CNOT6: variants seen among roughly 807,000 people sequenced by gnomAD.
CNOT6 encodes the protein carbon catabolite repression 4 protein.
A neutral mutation model predicts 61.2 loss-of-function variants in CNOT6; 12 were observed. The observed-to-expected ratio is 0.20, with a 90% CI of 0.13 to 0.32. CNOT6 has a LOEUF of 0.32. Among genes scored for constraint, CNOT6 ranks in the 10% least tolerant of loss-of-function variants. The pLI, the probability that CNOT6 is intolerant of heterozygous loss-of-function variation, is 1.00. For synonymous variants in CNOT6, 225 were observed against 240.6 expected, an observed-to-expected ratio of 0.94 and a Z score of 0.60; for missense variants, 405 against 663.9, an observed-to-expected ratio of 0.61 and a Z score of 4.28.
rs774428177 is a variant in CNOT6, at chr5:180,564,747, G to C, written c.559+4G>C. 2.0e-5 allele frequency: 32 copies of C among 1,607,936 alleles called. No homozygotes were observed. Among genetic ancestry groups the C allele is most frequent in the African/African-American group, 2.7e-5 (2 of 74,724 alleles). On this transcript the variant is annotated splice_donor_region_variant and intron_variant, in intron 6 of 11. Coordinates refer to ENST00000261951, the MANE Select transcript of CNOT6 (RefSeq NM_001370472.1). ...CCAGATAGGACAAGGCCAACTGGTT[G>C]GTAGTCTTTTATTTTTTAACTGTTA...
intron 1 of CNOT6, among the ~76,000 whole-genome samples, chr5:180,518,429 A>T (rs1232208317): frequency 2.0e-5 from 3 of 152,118 alleles, no homozygotes; most frequent in African/African-American, 7.2e-5. Context: ...CTTCTGCAAC[A>T]CTTCAGTAGA....
chr5:180,563,488 C>T (rs977009663), intron 4 of CNOT6, among the ~76,000 whole-genome samples: 10 of 152,070 alleles, frequency 6.6e-5, no homozygotes, highest in African/African-American at 2.2e-4. Context: ...GTGATCCGCC[C>T]GCCTCGGCCT....
chr5:180,494,746 G>C lies in CNOT6; in HGVS notation c.-20G>C, dbSNP rs1012752172. 3.3e-5 allele frequency: 5 copies of C among 152,770 alleles called. No homozygotes were observed. Among genetic ancestry groups the C allele is most frequent in the African/African-American group, 1.2e-4 (5 of 41,328 alleles). 9.5% of individuals were successfully genotyped at this position (152,770 alleles called of 1,614,324 possible). A position where few individuals can be genotyped will look rare whatever the true frequency, so the allele number is the denominator to read the frequency against. On this transcript the variant is annotated 5_prime_UTR_variant, in exon 1 of 12. Coordinates refer to ENST00000261951, the MANE Select transcript of CNOT6 (RefSeq NM_001370472.1). Reference sequence around the variant, plus strand: ...GGAGGAGGCGGCAGCGGCGGAGGAAGGCGGCGCACCCCGAGAGGTGAGCGA... The same window carrying C: ...GGAGGAGGCGGCAGCGGCGGAGGAACGCGGCGCACCCCGAGAGGTGAGCGA...
chr5:180,495,154 T>C (rs913088600), intron 1 of CNOT6, among the ~76,000 whole-genome samples: 2 of 152,220 alleles, frequency 1.3e-5, no homozygotes, highest in Non-Finnish European at 2.9e-5. Flanking sequence ...TGGCGCGCTG[T>C]GTGGAGTGTG....
At chr5:180,555,151 T>C (rs6422334) in intron 4 of CNOT6, among the ~76,000 whole-genome samples, 135,545 of 152,012 alleles carry the variant, frequency 0.89, 60,550 homozygotes, top group East Asian at 1. Context: ...AGATTACAGG[T>C]ACCCACCACC....
At position 180,556,569 on chromosome 5, in the gene CNOT6, CTA is replaced by C. The variant is rs541981266; in HGVS notation, c.385+3100_385+3101del. On this transcript the variant is annotated intron_variant, in intron 4 of 11. Coordinates refer to ENST00000261951, the MANE Select transcript of CNOT6 (RefSeq NM_001370472.1). ...ATTTAGAAAAGGATGTAGAACATCT[CTA>C]TCACCAGAAGATCCTTTTGTTACAC... Among the ~76,000 whole-genome samples, 674 of 152,318 alleles carry C rather than the reference CTA, an allele frequency of 4.4e-3. 2 individuals carry two copies. Among genetic ancestry groups the C allele is most frequent in the Middle Eastern group, 0.014 (4 of 294 alleles).
chr5:180,547,949 G>C (rs1474423478), intron 2 of CNOT6, among the ~76,000 whole-genome samples: 1 of 152,146 alleles, frequency 6.6e-6, no homozygotes, highest in Non-Finnish European at 1.5e-5. Context: ...GGCCAGGCTG[G>C]TCTTGAACTC....
intron 1 of CNOT6, among the ~76,000 whole-genome samples, chr5:180,525,654 A>G (rs781177275): frequency 1.3e-5 from 2 of 152,274 alleles, no homozygotes; most frequent in Middle Eastern, 3.4e-3. Context: ...GCTGTTTCCC[A>G]GCCTTGTAAC....
chr5:180,532,000 A>C (rs562580472), intron 2 of CNOT6, among the ~76,000 whole-genome samples: 27 of 152,126 alleles, frequency 1.8e-4, no homozygotes, highest in Middle Eastern at 3.4e-3. Flanking sequence ...AGGGAGAGGG[A>C]CCCCTCTTCT....
intron 2 of CNOT6, among the ~76,000 whole-genome samples, chr5:180,533,906 C>T (rs976612931): frequency 2.6e-5 from 4 of 152,166 alleles, no homozygotes; most frequent in African/African-American, 7.2e-5. Context: ...AGGCTTCCTC[C>T]TCCCTCACTT....
At chr5:180,552,485 CAAAAA>C (rs74636591) in intron 3 of CNOT6, among the ~76,000 whole-genome samples, 1 of 144,522 alleles carries the variant, frequency 6.9e-6, no homozygotes, top group Non-Finnish European at 1.5e-5. Flanking sequence ...ACTAAAAATA[CAAAAA>C]AAAAAATTAG....
chr5:180,562,748 A>AT (rs1053563208), intron 4 of CNOT6, among the ~76,000 whole-genome samples: 2 of 152,198 alleles, frequency 1.3e-5, no homozygotes, highest in Non-Finnish European at 2.9e-5. Context: ...TCAAAAAAAA[A>AT]ATAAGAAAAA....
At chr5:180,523,437 G>A (rs1561640026) in intron 1 of CNOT6, among the ~76,000 whole-genome samples, 1 of 146,618 alleles carries the variant, frequency 6.8e-6, no homozygotes, top group Non-Finnish European at 1.5e-5. Context: ...ACACTCAAAT[G>A]TTTGATTGTC....
At chr5:180,515,088 G>T (rs1054938194) in intron 1 of CNOT6, among the ~76,000 whole-genome samples, 1 of 152,056 alleles carries the variant, frequency 6.6e-6, no homozygotes, top group Non-Finnish European at 1.5e-5. Flanking sequence ...TAGGATGAAG[G>T]TTGTCTTTGA....
rs376859851 is a variant in CNOT6, at chr5:180,562,462, C to T, written c.386-2027C>T. On this transcript the variant is annotated intron_variant, in intron 4 of 11. Transcript: ENST00000261951. ...TTTTCAATTTAAAAGAAGTCCTGGC[C>T]GGGCGCGGTGGCTCACACCTGTAAT... Among the ~76,000 whole-genome samples, 419 of 152,170 alleles carry T rather than the reference C, an allele frequency of 2.8e-3. 5 individuals carry two copies. Among genetic ancestry groups the T allele is most frequent in the South Asian group, 0.016 (77 of 4,818 alleles).
intron 2 of CNOT6, among the ~76,000 whole-genome samples, chr5:180,547,839 T>A (rs892936842): frequency 6.6e-6 from 1 of 151,972 alleles, no homozygotes; most frequent in East Asian, 1.9e-4. Context: ...GTTCAAGCGG[T>A]TCTCCTGCCT....
At chr5:180,497,933 C>G (rs977953381) in intron 1 of CNOT6, among the ~76,000 whole-genome samples, 1 of 151,670 alleles carries the variant, frequency 6.6e-6, no homozygotes, top group African/African-American at 2.4e-5. Context: ...ATCCCAGCTA[C>G]TCGGGAGACT....
In CNOT6 at chr5:180,574,497, G is replaced by A. The variant is rs542813892; in HGVS notation, c.*297G>A. 58 of 430,876 alleles carry A rather than the reference G, an allele frequency of 1.3e-4. 1 individual carries two copies. In the South Asian group the frequency reaches 1.5e-3, roughly 11 times the overall value. The allele number at this position is 430,876 out of a possible 1,614,324, so 26.7% of individuals were successfully genotyped here. A position where few individuals can be genotyped will look rare whatever the true frequency, so the allele number is the denominator to read the frequency against. On this transcript the variant is annotated 3_prime_UTR_variant, in exon 12 of 12. Coordinates refer to ENST00000261951, the MANE Select transcript of CNOT6 (RefSeq NM_001370472.1). ...TAGAATATTTTCATGCCTGGAAATA[G>A]GAAAATGTGTGAACAGCGTATTCTC... is the stretch of plus-strand genomic sequence containing the variant.
At chr5:180,541,613 T>C (rs11249720) in intron 2 of CNOT6, among the ~76,000 whole-genome samples, 70,434 of 150,796 alleles carry the variant, frequency 0.47, 17,444 homozygotes, top group Non-Finnish European at 0.56. Flanking sequence ...CCATCACGCC[T>C]GGCTAATTTT....
Sources: allele counts gnomAD v4.1 joint callset (sites outside exome capture counted in the v4.1 genomes callset), GRCh38; gene constraint gnomAD v4.1.1; transcripts MANE v1.5; gene names NCBI Gene and HGNC (gene_info 2026-07-23, HGNC 2026-07-21).